The following CNOT10 variants were observed in gnomAD, a reference collection of about 807,000 sequenced individuals.
CNOT10 encodes CCR4-NOT transcription complex, subunit 10.
Under a neutral mutation model 94.6 loss-of-function variants are expected in CNOT10, and 30 were observed. The observed-to-expected ratio is 0.32, with a 90% CI of 0.24 to 0.43. The LOEUF is 0.43. CNOT10 is among the 20% of genes least tolerant of loss of function. The probability of loss-of-function intolerance (pLI) is 1.00; values close to 1 mark genes in which losing one functional copy is unlikely to be tolerated. For missense variants in CNOT10, 759 were observed against 877.2 expected (o/e 0.87, Z 1.70); for synonymous variants, 289 against 301.6 (o/e 0.96, Z 0.43).
chr3:32,719,860 T>A (rs1184600146), intron 7 of CNOT10, among the ~76,000 whole-genome samples: 2 of 152,236 alleles, frequency 1.3e-5, no homozygotes, highest in Admixed American at 1.3e-4. Flanking sequence ...ATCTACAGAC[T>A]GTATTCTTAT....
intron 14 of CNOT10, among the ~76,000 whole-genome samples, chr3:32,760,768 A>G (rs1700410532): frequency 6.6e-6 from 1 of 152,154 alleles, no homozygotes; most frequent in Non-Finnish European, 1.5e-5. Flanking sequence ...ACAAATGCCA[A>G]AATATAACTA....
chr3:32,767,124 T>A (rs1293362253), intron 17 of CNOT10, among the ~76,000 whole-genome samples: 3 of 152,188 alleles, frequency 2.0e-5, no homozygotes, highest in Non-Finnish European at 4.4e-5. Context: ...ATAGAAAGTT[T>A]GTATCAAATG....
intron 17 of CNOT10, among the ~76,000 whole-genome samples, chr3:32,766,799 G>T (rs1056961984): frequency 6.6e-6 from 1 of 152,142 alleles, no homozygotes; most frequent in African/African-American, 2.4e-5. Flanking sequence ...ATTTTGATTG[G>T]ATCTCTTTAG....
At chr3:32,722,424 A>G (rs1359414848) in intron 8 of CNOT10, among the ~76,000 whole-genome samples, 5 of 152,220 alleles carry the variant, frequency 3.3e-5, no homozygotes, top group African/African-American at 1.2e-4. Context: ...AACACACAAC[A>G]TGCAATGATC....
intron 1 of CNOT10, among the ~76,000 whole-genome samples, chr3:32,689,527 A>G (rs1423589775): frequency 2.6e-5 from 4 of 152,186 alleles, no homozygotes. Flanking sequence ...ACAAATATGC[A>G]AATGTACAGA....
At chr3:32,760,396 C>T (rs989346631) in intron 14 of CNOT10, among the ~76,000 whole-genome samples, 1 of 152,064 alleles carries the variant, frequency 6.6e-6, no homozygotes, top group Non-Finnish European at 1.5e-5. Context: ...CTTTGGGAGG[C>T]TGAGGTAGGC....
At chr3:32,762,483 G>A (rs969330974) in intron 14 of CNOT10, among the ~76,000 whole-genome samples, 6 of 151,880 alleles carry the variant, frequency 4.0e-5, no homozygotes, top group African/African-American at 1.5e-4. Flanking sequence ...TGTTGCCCAC[G>A]CTGTTCTCAA....
At chr3:32,741,416 C>G (rs1475715931) in intron 13 of CNOT10, among the ~76,000 whole-genome samples, 1 of 152,038 alleles carries the variant, frequency 6.6e-6, no homozygotes, top group African/African-American at 2.4e-5. Flanking sequence ...AAATCTTTGT[C>G]TCTCAGGATG....
In CNOT10 at chr3:32,769,937, G is replaced by A; in HGVS notation, c.2055G>A (p.Leu685=). The change falls in exon 18 of 19, where the codon CTG becomes CTA. Residue 685 remains leucine (L), a synonymous_variant. Coordinates refer to ENST00000328834, the MANE Select transcript of CNOT10 (RefSeq NM_015442.3). ...PKEVPPEAIL[L]AVYLELQNGN... ...AGGTGCCCCCTGAGGCCATCTTGCTGGCAGTCTACCTTGAACTGCAGAATG... is the reference window on the plus strand; with the variant it reads ...AGGTGCCCCCTGAGGCCATCTTGCTAGCAGTCTACCTTGAACTGCAGAATG... The A allele has an allele frequency of 6.2e-7, 1 of 1,613,802 alleles. No homozygotes were observed.
chr3:32,710,658 C>T (rs79510926), intron 4 of CNOT10, among the ~76,000 whole-genome samples: 2,497 of 152,178 alleles, frequency 0.016, 29 homozygotes, highest in Non-Finnish European at 0.025. Context: ...GATCTTTTTA[C>T]TGTCTCTACA....
At chr3:32,695,901 A>AT (rs1444760717) in intron 1 of CNOT10, 31 of 1,214,946 alleles carry the variant, frequency 2.6e-5, no homozygotes, top group Non-Finnish European at 3.4e-5. Context: ...ATGAATACCC[A>AT]TTTCTGGCAG....
intron 17 of CNOT10, chr3:32,769,626 A>C (rs1024638345): frequency 5.1e-6 from 2 of 391,570 alleles, no homozygotes; most frequent in African/African-American, 4.0e-5. Context: ...GAAAGCCACC[A>C]GCAGAATTGG....
intron 13 of CNOT10, among the ~76,000 whole-genome samples, chr3:32,740,533 C>A (rs1575271527): frequency 6.6e-6 from 1 of 151,812 alleles, no homozygotes. Flanking sequence ...TTTTGTTTTA[C>A]AATATTTTCA....
intron 13 of CNOT10, among the ~76,000 whole-genome samples, chr3:32,746,836 CAAAAAAAA>C (rs71630540): frequency 3.6e-5 from 3 of 84,164 alleles, no homozygotes; most frequent in South Asian, 4.1e-4. Context: ...GACTCCGTCT[CAAAAAAAA>C]AAAAAAAAAA....
rs139712328 is a variant in CNOT10, at chr3:32,720,222, A to G, written c.853A>G (p.Met285Val). The change falls in exon 8 of 19, where the codon ATG becomes GTG. Residue 285 changes from methionine (M) to valine (V), a missense_variant. Physicochemically the swap from Met to Val is conservative, Grantham distance 21. This residue lies in a region of CNOT10 where 682 missense variants were observed against 799.4 expected (regional missense o/e 0.85). Coordinates refer to ENST00000328834, the MANE Select transcript of CNOT10 (RefSeq NM_015442.3). The stretch of plus-strand genomic sequence containing the variant: ...AAACATTGCTGAGCATCCAGGATTC[A>G]TGAAAACAGGTAAAAGAAAATTGTG... ...SSNIAEHPGF[M>V]KTGECLRCMF... The G allele has an allele frequency of 3.2e-5, 48 of 1,493,682 alleles. No homozygotes were observed. In the African/African-American group the frequency reaches 4.1e-4, roughly 13 times the overall value. The allele number at this position is 1,493,682 out of a possible 1,614,324, so 92.5% of individuals were successfully genotyped here.
At chr3:32,763,373 G>A (rs147027311) in intron 15 of CNOT10, among the ~76,000 whole-genome samples, 61 of 152,078 alleles carry the variant, frequency 4.0e-4, no homozygotes, top group Non-Finnish European at 6.3e-4. Context: ...AATAATTGTC[G>A]GGTGCGGTGG....
intron 1 of CNOT10, among the ~76,000 whole-genome samples, chr3:32,693,312 A>G (rs79504072): frequency 0.061 from 9,268 of 151,146 alleles, 326 homozygotes; most frequent in African/African-American, 0.091. Context: ...GACCTCCCGG[A>G]TTCAAGTGAT....
chr3:32,737,169 G>T (rs1559501746), intron 12 of CNOT10, among the ~76,000 whole-genome samples: 1 of 152,112 alleles, frequency 6.6e-6, no homozygotes, highest in Non-Finnish European at 1.5e-5. Context: ...CAAAAAATTA[G>T]CTGGGCGTGG....
chr3:32,768,268 T>C (rs1700734201), intron 17 of CNOT10, among the ~76,000 whole-genome samples: 1 of 152,068 alleles, frequency 6.6e-6, no homozygotes, highest in African/African-American at 2.4e-5. Flanking sequence ...GCCACTTGGA[T>C]GGAAAACAGA....
Sources: gnomAD v4.1 joint callset for allele counts (sites outside exome capture counted in the v4.1 genomes callset) on GRCh38, gnomAD v4.1.1 for gene constraint, gnomAD v4.1.1 regional missense constraint, MANE v1.5 for transcripts, NCBI Gene and HGNC (gene_info 2026-07-23, HGNC 2026-07-21) for gene names.